Variants in SIPA1L3 observed in about 807,000 individuals in gnomAD.
SIPA1L3 encodes the protein signal-induced proliferation-associated 1-like protein 3.
Under a neutral mutation model 150.1 loss-of-function variants are expected in SIPA1L3, and 59 were observed. The observed-to-expected ratio is 0.39, with a 90% CI of 0.32 to 0.49. The LOEUF is 0.49. SIPA1L3 is among the 20% of genes least tolerant of loss of function. SIPA1L3 has a pLI of 0.86. For synonymous variants in SIPA1L3, 1,070 were observed against 1,077.6 expected, an observed-to-expected ratio of 0.99 and a Z score of 0.14; for missense variants, 2,211 against 2,489.5, an observed-to-expected ratio of 0.89 and a Z score of 2.38.
chr19:38,192,365 A>G, intron 17 of SIPA1L3, 55 bp downstream of exon 17: 3 of 1,500,476 alleles, frequency 2.0e-6, no homozygotes, highest in Non-Finnish European at 1.8e-6. Context: ...GGGATCCCAG[A>G]TCTGGGCAGG....
chr19:38,054,332 A>T (rs5022086), intron 2 of SIPA1L3, among the ~76,000 whole-genome samples: 61,191 of 151,610 alleles, frequency 0.4, 13,866 homozygotes, highest in African/African-American at 0.62. Context: ...CGAGGACAGG[A>T]GTGGTGGCTC....
At chr19:38,089,364 T>G (rs1600051436) in intron 4 of SIPA1L3, among the ~76,000 whole-genome samples, 1 of 147,860 alleles carries the variant, frequency 6.8e-6, no homozygotes, top group African/African-American at 2.5e-5. Context: ...AAAAATTAAA[T>G]GATTTCTATA....
At chr19:37,939,592 C>T (rs1456576054) in intron 1 of SIPA1L3, among the ~76,000 whole-genome samples, 1 of 152,146 alleles carries the variant, frequency 6.6e-6, no homozygotes, top group African/African-American at 2.4e-5. Context: ...TATCCTGCCA[C>T]CTCATGGTAT....
chr19:38,082,204 G>C lies in SIPA1L3; in HGVS notation c.639G>C (p.Met213Ile), dbSNP rs1415788437. ...GSTSSIDVQG[M>I]PEQSFFDILN... is the part of the protein sequence containing the mutation. ...CCTCGTCCATCGACGTGCAGGGCAT[G>C]CCCGAGCAGAGCTTCTTCGACATCC... Residue 213 changes from methionine to isoleucine, a missense_variant, in exon 3 of 22, where the codon ATG (methionine) becomes ATC (isoleucine). Physicochemically the swap from Met to Ile is conservative, Grantham distance 10. Around this residue, in one of 5 missense-constraint regions of SIPA1L3, gnomAD observed 587 missense variants for 534.5 expected, o/e 1.10. Coordinates refer to ENST00000222345, the MANE Select transcript of SIPA1L3 (RefSeq NM_015073.3). 7.5e-6 allele frequency: 12 copies of C among 1,603,356 alleles called. No homozygotes were observed. The highest frequency in any genetic ancestry group is 1.0e-5 in the Non-Finnish European group (12 of 1,179,786).
At chr19:37,915,062 C>T (rs2046404745) in intron 1 of SIPA1L3, among the ~76,000 whole-genome samples, 2 of 152,118 alleles carry the variant, frequency 1.3e-5, no homozygotes, top group Non-Finnish European at 2.9e-5. Context: ...ATTTCCTTTC[C>T]TTGTTGTTTG....
chr19:38,144,122 C>A (rs918325781), intron 12 of SIPA1L3, among the ~76,000 whole-genome samples: 1 of 152,232 alleles, frequency 6.6e-6, no homozygotes, highest in Non-Finnish European at 1.5e-5. Context: ...CTCTCCAGAA[C>A]CCTTCTCTGG....
chr19:38,192,343 C>G, intron 17 of SIPA1L3, 33 bp downstream of exon 17: 1 of 1,551,666 alleles, frequency 6.4e-7, no homozygotes, highest in Non-Finnish European at 8.7e-7. Flanking sequence ...CTCCCGACCC[C>G]CAGCTCCCAA....
chr19:38,004,768 C>T (rs1333915398), intron 1 of SIPA1L3, among the ~76,000 whole-genome samples: 1 of 152,182 alleles, frequency 6.6e-6, no homozygotes, highest in Non-Finnish European at 1.5e-5. Flanking sequence ...GAAGGGCGGG[C>T]TGGGTGCTGG....
intron 8 of SIPA1L3, among the ~76,000 whole-genome samples, chr19:38,113,296 C>A (rs1376454316): frequency 6.6e-6 from 1 of 151,948 alleles, no homozygotes; most frequent in Non-Finnish European, 1.5e-5. Flanking sequence ...GTGCCATTGC[C>A]CAACATGTTT....
intron 16 of SIPA1L3, among the ~76,000 whole-genome samples, chr19:38,183,538 C>T (rs1600183064): frequency 6.6e-6 from 1 of 152,240 alleles, no homozygotes; most frequent in Admixed American, 6.5e-5. Flanking sequence ...GGGGAAGGCA[C>T]AGTAGCTCAA....
At chr19:38,189,165 C>G (rs910866015) in intron 16 of SIPA1L3, among the ~76,000 whole-genome samples, 9 of 148,096 alleles carry the variant, frequency 6.1e-5, no homozygotes, top group African/African-American at 2.0e-4. Flanking sequence ...GAGACAGGCT[C>G]TCACTGTCAC....
At chr19:38,024,417 G>C (rs1012058344) in intron 1 of SIPA1L3, among the ~76,000 whole-genome samples, 9 of 152,248 alleles carry the variant, frequency 5.9e-5, no homozygotes, top group Admixed American at 4.6e-4. Context: ...CCGGAGGTGA[G>C]ATGAGGGTGT....
chr19:37,954,004 T>G (rs1335864901), intron 1 of SIPA1L3, among the ~76,000 whole-genome samples: 1 of 152,220 alleles, frequency 6.6e-6, no homozygotes, highest in Admixed American at 6.5e-5. Flanking sequence ...AACTTTAAAT[T>G]TGTCTTATTT....
At chr19:38,105,501 A>G (rs974427272) in intron 6 of SIPA1L3, among the ~76,000 whole-genome samples, 2 of 152,156 alleles carry the variant, frequency 1.3e-5, no homozygotes. Context: ...TGGGCTCAGT[A>G]AGCAGGTTTG....
intron 17 of SIPA1L3, among the ~76,000 whole-genome samples, chr19:38,193,335 T>TG (rs1471447519): frequency 1.7e-5 from 2 of 120,122 alleles, no homozygotes; most frequent in African/African-American, 6.6e-5. Context: ...GGCGACAGAG[T>TG]GAGACCCTGT....
chr19:38,078,023 A>T (rs1056772993), intron 2 of SIPA1L3, among the ~76,000 whole-genome samples: 5 of 151,934 alleles, frequency 3.3e-5, no homozygotes, highest in Admixed American at 1.3e-4. Context: ...TAGATTTCTG[A>T]TTTCTGTTGG....
chr19:38,194,424 G>A (rs974688657), intron 18 of SIPA1L3, among the ~76,000 whole-genome samples: 15 of 151,960 alleles, frequency 9.9e-5, no homozygotes, highest in Admixed American at 7.2e-4. Flanking sequence ...ACTGGGTGGC[G>A]AAACCTGGCC....
intron 15 of SIPA1L3, among the ~76,000 whole-genome samples, chr19:38,168,650 C>T (rs1600163562): frequency 2.0e-5 from 3 of 152,084 alleles, no homozygotes; most frequent in Middle Eastern, 3.4e-3. Context: ...AAATCCGAGA[C>T]ATAAAGACAG....
At chr19:38,115,461 G>A (rs913337780) in intron 8 of SIPA1L3, among the ~76,000 whole-genome samples, 1 of 152,202 alleles carries the variant, frequency 6.6e-6, no homozygotes, top group African/African-American at 2.4e-5. Flanking sequence ...GATCAGAGGG[G>A]GCAGACAGGA....
Sources: gnomAD v4.1 joint callset for allele counts (sites outside exome capture counted in the v4.1 genomes callset) on GRCh38, gnomAD v4.1.1 for gene constraint, gnomAD v4.1.1 regional missense constraint, MANE v1.5 for transcripts, NCBI Gene and HGNC (gene_info 2026-07-23, HGNC 2026-07-21) for gene names.